Variants in AGBL1 observed in about 807,000 individuals in gnomAD.
The protein encoded by AGBL1 is AGBL carboxypeptidase 1.
Under a neutral mutation model 118.9 loss-of-function variants are expected in AGBL1, and 130 were observed. The ratio of observed to expected loss-of-function variants is 1.09; its 90% confidence interval spans 0.95 to 1.26. The LOEUF is 1.26. Ranked by LOEUF, AGBL1 falls within the 50% of genes most tolerant of loss-of-function variation. The pLI is 0.00. For missense variants in AGBL1, 1,584 were observed against 1,298.1 expected (o/e 1.22, Z -3.38); for synonymous variants, 555 against 478.9 (o/e 1.16, Z -2.08).
chr15:86,325,658 T>G (rs1235508021), intron 17 of AGBL1, among the ~76,000 whole-genome samples: 1 of 152,162 alleles, frequency 6.6e-6, no homozygotes, highest in Non-Finnish European at 1.5e-5. Context: ...GGCACAGCCA[T>G]CTTCCATCCC....
chr15:86,607,793 G>A (rs1365458077), intron 21 of AGBL1, among the ~76,000 whole-genome samples: 1 of 152,008 alleles, frequency 6.6e-6, no homozygotes, highest in African/African-American at 2.4e-5. Context: ...GATGTGCTTT[G>A]CTTTTTTGAT....
At chr15:86,758,121 A>G (rs1217505939) in intron 22 of AGBL1, among the ~76,000 whole-genome samples, 1 of 152,062 alleles carries the variant, frequency 6.6e-6, no homozygotes, top group Non-Finnish European at 1.5e-5. Flanking sequence ...AAAATCTGGA[A>G]ACTATACTAT....
At chr15:86,708,015 G>T (rs1049300799) in intron 22 of AGBL1, among the ~76,000 whole-genome samples, 2 of 152,054 alleles carry the variant, frequency 1.3e-5, no homozygotes, top group African/African-American at 4.8e-5. Context: ...TTAACTTGTT[G>T]CCTTCTTTCA....
chr15:86,778,481 C>T (rs8028447), intron 22 of AGBL1, among the ~76,000 whole-genome samples: 9,560 of 152,150 alleles, frequency 0.063, 346 homozygotes, highest in South Asian at 0.13. Context: ...CCCCCCGAAG[C>T]GGCCATTTCA....
chr15:86,263,277 C>T (rs2079021780), intron 10 of AGBL1, among the ~76,000 whole-genome samples: 1 of 152,202 alleles, frequency 6.6e-6, no homozygotes, highest in Admixed American at 6.5e-5. Context: ...CTATTGCCTA[C>T]AGTGTTCAGC....
intron 22 of AGBL1, among the ~76,000 whole-genome samples, chr15:86,729,961 T>G (rs1248520843): frequency 6.6e-6 from 1 of 152,166 alleles, no homozygotes; most frequent in Non-Finnish European, 1.5e-5. Flanking sequence ...AAAGTAATAG[T>G]CATTCTGACT....
Position 86,907,719 on chromosome 15 carries a change from T to C in AGBL1, c.*425T>C, listed in dbSNP as rs1015003014. 2.6e-5 allele frequency: 4 copies of C among 152,210 alleles called. No homozygotes were observed. Among genetic ancestry groups the C allele is most frequent in the African/African-American group, 9.6e-5 (4 of 41,456 alleles). The allele number at this position is 152,210 out of a possible 1,614,324, so 9.4% of individuals were successfully genotyped here. A position where few individuals can be genotyped will look rare whatever the true frequency, so the allele number is the denominator to read the frequency against. ...TAAGTTGTTCCATATACAAGTGTTA[T>C]CTTCCAATGTTATCTCCCCACCATA... On this transcript the variant is annotated 3_prime_UTR_variant, in exon 23 of 23. Coordinates refer to ENST00000614907, the MANE Select transcript of AGBL1 (RefSeq NM_001386094.1).
intron 5 of AGBL1, among the ~76,000 whole-genome samples, chr15:86,215,233 G>A (rs1006852067): frequency 1.4e-5 from 2 of 141,828 alleles, no homozygotes; most frequent in African/African-American, 6.0e-5. Context: ...GCGTGTGTGT[G>A]TGTGTGTGTG....
At chr15:86,349,609 G>T (rs538988862) in intron 17 of AGBL1, among the ~76,000 whole-genome samples, 73 of 152,152 alleles carry the variant, frequency 4.8e-4, no homozygotes, top group Non-Finnish European at 1.0e-3. Context: ...CTCAATAAAT[G>T]CTTCCTAAAT....
intron 22 of AGBL1, among the ~76,000 whole-genome samples, chr15:86,854,140 T>C (rs187399606): frequency 1.7e-3 from 255 of 152,280 alleles, no homozygotes; most frequent in Non-Finnish European, 3.0e-3. Flanking sequence ...AACTCTGTCA[T>C]CCCATTCACG....
chr15:86,500,161 A>G (rs1044022726), intron 18 of AGBL1, among the ~76,000 whole-genome samples: 8 of 151,880 alleles, frequency 5.3e-5, no homozygotes, highest in Non-Finnish European at 1.2e-4. Flanking sequence ...TTCATCACAG[A>G]GGTGGGACTT....
intron 22 of AGBL1, among the ~76,000 whole-genome samples, chr15:86,809,607 A>T (rs1206994264): frequency 3.9e-5 from 6 of 152,166 alleles, no homozygotes; most frequent in Non-Finnish European, 7.4e-5. Context: ...GCATTGCCTT[A>T]ATTCAGGAAG....
intron 13 of AGBL1, among the ~76,000 whole-genome samples, chr15:86,269,381 G>T (rs564875041): frequency 5.9e-5 from 9 of 152,312 alleles, no homozygotes; most frequent in Middle Eastern, 3.4e-3. Flanking sequence ...ATCTCAAATA[G>T]CAATGGCATA....
intron 21 of AGBL1, among the ~76,000 whole-genome samples, chr15:86,573,639 T>C (rs528331024): frequency 6.6e-6 from 1 of 152,344 alleles, no homozygotes; most frequent in South Asian, 2.1e-4. Context: ...TGCTAGGGTA[T>C]GCATCCTGCT....
chr15:86,847,142 T>C (rs1319478341), intron 22 of AGBL1, among the ~76,000 whole-genome samples: 1 of 152,236 alleles, frequency 6.6e-6, no homozygotes, highest in Admixed American at 6.5e-5. Context: ...TATTGCTTCA[T>C]TGAAATTAAT....
chr15:86,785,494 C>T (rs781328466), intron 22 of AGBL1, among the ~76,000 whole-genome samples: 13 of 151,608 alleles, frequency 8.6e-5, no homozygotes, highest in Non-Finnish European at 1.3e-4. Context: ...CCTGCCTCAG[C>T]CTCCCAAGTA....
intron 18 of AGBL1, among the ~76,000 whole-genome samples, chr15:86,478,892 C>T (rs558898222): frequency 1.7e-4 from 26 of 152,168 alleles, no homozygotes; most frequent in Non-Finnish European, 3.4e-4. Context: ...GAGATATAGA[C>T]CAATGGAACA....
At chr15:86,714,909 C>G (rs555039666) in intron 22 of AGBL1, among the ~76,000 whole-genome samples, 2 of 152,246 alleles carry the variant, frequency 1.3e-5, no homozygotes, top group South Asian at 4.2e-4. Flanking sequence ...AGTCTGCACT[C>G]CAAGTATTTT....
At chr15:87,030,611 C>T (rs2081774644), downstream of AGBL1, among the ~76,000 whole-genome samples, 1 of 151,910 alleles carries the variant, frequency 6.6e-6, no homozygotes, top group Non-Finnish European at 1.5e-5. Flanking sequence ...CAAGTAAGCC[C>T]AGCAAAATTA....
Sources: gnomAD v4.1 joint callset for allele counts (sites outside exome capture counted in the v4.1 genomes callset) on GRCh38, gnomAD v4.1.1 for gene constraint, MANE v1.5 for transcripts, NCBI Gene and HGNC (gene_info 2026-07-23, HGNC 2026-07-21) for gene names.